The following FCRL5 variants were observed in gnomAD, a reference collection of about 807,000 sequenced individuals.
The protein encoded by FCRL5 is Fc receptor like 5, also known as Fc receptor-like protein 5.
A neutral mutation model predicts 92.1 loss-of-function variants in FCRL5; 79 were observed. The ratio of observed to expected loss-of-function variants is 0.86; its 90% confidence interval spans 0.72 to 1.03. FCRL5 has a LOEUF of 1.03. Ranked by LOEUF, FCRL5 falls within the 50% of genes least tolerant of loss-of-function variation. The pLI is 0.00. For missense variants in FCRL5, 1,160 were observed against 1,181.1 expected (o/e 0.98, Z 0.26); for synonymous variants, 466 against 469.3 (o/e 0.99, Z 0.09).
chr1:157,542,495 C>A (rs1191731510), intron 6 of FCRL5: 4 of 221,176 alleles, frequency 1.8e-5, no homozygotes, highest in African/African-American at 4.5e-5. Flanking sequence ...CAGGAGATAC[C>A]TCTGTGCTCC....
chr1:157,532,124 G>A (rs1208650450), intron 8 of FCRL5: 1 of 152,126 alleles, frequency 6.6e-6, no homozygotes, highest in African/African-American at 2.4e-5. Context: ...AAGACGAAAA[G>A]GTTGAACCAA....
At chr1:157,541,360 C>T (rs1651252421) in intron 6 of FCRL5, among the ~76,000 whole-genome samples, 1 of 152,198 alleles carries the variant, frequency 6.6e-6, no homozygotes, top group African/African-American at 2.4e-5. Flanking sequence ...GTGGTTTTCC[C>T]CAAGATTTAA....
chr1:157,550,278 G>A (rs753741223), intron 1 of FCRL5, among the ~76,000 whole-genome samples: 1 of 152,126 alleles, frequency 6.6e-6, no homozygotes, highest in Non-Finnish European at 1.5e-5. Flanking sequence ...GATTGACAAG[G>A]TTAGAATTTC....
At chr1:157,526,735 A>T (rs1202758472) in intron 9 of FCRL5, among the ~76,000 whole-genome samples, 1 of 152,054 alleles carries the variant, frequency 6.6e-6, no homozygotes, top group Non-Finnish European at 1.5e-5. Context: ...GTTATTGTCT[A>T]GTGGAGTAGG....
chr1:157,527,808 G>A lies in FCRL5; in HGVS notation c.1769C>T (p.Pro590Leu), dbSNP rs771525110. 1.8e-5 allele frequency: 29 copies of A among 1,613,436 alleles called. No homozygotes were observed. In the Admixed American group the frequency reaches 2.3e-4, roughly 13 times the overall value. ...GDLLELHCEAPRGSPPILYWF... is the reference protein window; with the variant it reads ...GDLLELHCEALRGSPPILYWF... ...GTACAGGATTGGGGGAGAGCCTCTC[G>A]GGGCCTCACAGTGAAGCTCCAGCAG... Residue 590 changes from proline to leucine, a missense_variant, in exon 9 of 17, where the codon CCG (proline) becomes CTG (leucine). Transcript: ENST00000361835.
chr1:157,544,170 TC>T, intron 5 of FCRL5, 91 bp downstream of exon 5: 1 of 1,384,452 alleles, frequency 7.2e-7, no homozygotes, highest in Non-Finnish European at 1.0e-6. Flanking sequence ...ACGAGTTTTT[TC>T]TACAGAGACT....
chr1:157,529,911 T>G (rs957438449), intron 8 of FCRL5, among the ~76,000 whole-genome samples: 3 of 152,162 alleles, frequency 2.0e-5, no homozygotes, highest in African/African-American at 7.2e-5. Flanking sequence ...AAATTACTAC[T>G]AAAGAAGTTA....
chr1:157,524,172 C>A, intron 10 of FCRL5, 107 bp downstream of exon 10: 1 of 1,233,442 alleles, frequency 8.1e-7, no homozygotes. Flanking sequence ...GCTGGGATGC[C>A]ACACAAGCAA....
chr1:157,544,781 A>G, intron 4 of FCRL5, 50 bp downstream of exon 4: 7 of 1,609,724 alleles, frequency 4.3e-6, no homozygotes, highest in Non-Finnish European at 5.9e-6. Flanking sequence ...CTATGACCCC[A>G]AGGAATCTCC....
In FCRL5 at chr1:157,527,793, G is replaced by T. The variant is rs753174100; in HGVS notation, c.1784C>A (p.Pro595Gln). The T allele has an allele frequency of 3.1e-5, 50 of 1,613,902 alleles. No homozygotes were observed. In the Middle Eastern group the frequency reaches 4.9e-4, roughly 16 times the overall value. Residue 595 changes from proline (P) to glutamine (Q), a missense_variant, in exon 9 of 17, where the codon CCA becomes CAA. By Grantham distance (76) the Pro-to-Gln change is moderately conservative (BLOSUM62 -1). Transcript: ENST00000361835. ...LHCEAPRGSP[P>Q]ILYWFYHEDV... ...CTCATGATAAAACCAGTACAGGATT[G>T]GGGGAGAGCCTCTCGGGGCCTCACA...
Position 157,524,528 on chromosome 1 carries a change from T to C in FCRL5, c.1990A>G (p.Arg664Gly). 1 of 1,612,398 alleles carries C rather than the reference T, an allele frequency of 6.2e-7. No individual in the cohort carries two copies. Among genetic ancestry groups the C allele is most frequent in the Non-Finnish European group, 8.5e-7 (1 of 1,178,918 alleles). ...VPVSRPILTF[R>G]APRAQAVVGD... ...ACCACAGCCTGGGCCCTGGGAGCCC[T>C]GAAGGTGAGGATGGGACGAGATACT... The change falls in exon 10 of 17, where the codon AGG becomes GGG. Residue 664 changes from arginine to glycine, a missense_variant. Physicochemically the swap from Arg to Gly is moderately radical, Grantham distance 125. Coordinates refer to ENST00000361835, the MANE Select transcript of FCRL5 (RefSeq NM_031281.3).
At chr1:157,547,999 C>T (rs1281189816) in intron 2 of FCRL5, among the ~76,000 whole-genome samples, 1 of 152,264 alleles carries the variant, frequency 6.6e-6, no homozygotes, top group Non-Finnish European at 1.5e-5. Context: ...GAGAATGCAG[C>T]ATTCCTGCTG....
rs1650491962 is a variant in FCRL5, at chr1:157,527,644, T to C, written c.1933A>G (p.Ser645Gly). 1 of 1,612,112 alleles carries C rather than the reference T, an allele frequency of 6.2e-7. No homozygotes were observed. The highest frequency in any genetic ancestry group is 8.5e-7 in the Non-Finnish European group (1 of 1,178,934). Residue 645 changes from serine (S) to glycine (G), a missense_variant, in exon 9 of 17, where the codon AGT becomes GGT. By Grantham distance (56) the Ser-to-Gly change is moderately conservative (BLOSUM62 0). Transcript: ENST00000361835. ...EANNGLVAQH[S>G]DTISLSVIVP... The stretch of plus-strand genomic sequence containing the variant: ...ATAACACTGAGTGATATTGTGTCAC[T>C]GTGCTGGGCCACTAGGCCATTGTTG...
chr1:157,547,806 G>A (rs1571114396), intron 2 of FCRL5, among the ~76,000 whole-genome samples: 1 of 152,166 alleles, frequency 6.6e-6, no homozygotes, highest in African/African-American at 2.4e-5. Context: ...GGTTGTAGAG[G>A]GTTGTTGCTG....
At chr1:157,529,970 T>A (rs1302802576) in intron 8 of FCRL5, among the ~76,000 whole-genome samples, 1 of 152,184 alleles carries the variant, frequency 6.6e-6, no homozygotes, top group Non-Finnish European at 1.5e-5. Context: ...GAAATTTTTT[T>A]AAAAATGAAA....
At chr1:157,534,018 CACAT>C (rs1343762056) in intron 8 of FCRL5, 2 of 181,438 alleles carry the variant, frequency 1.1e-5, no homozygotes, top group Non-Finnish European at 2.3e-5. Flanking sequence ...CCAAATCGTA[CACAT>C]ACAATTTGCA....
rs752699524 is a variant in FCRL5, at chr1:157,543,032, G to A, written c.950C>T (p.Thr317Ile). ...ACCCTCATGATAAAACCTGTACAAA[G>A]TGCGCAGAGAATCTTCCTGGGTTTC... ...HCETQEDSLR[T>I]LYRFYHEGVP... is the part of the protein sequence containing the mutation. The change falls in exon 6 of 17, where the codon ACT becomes ATT. Residue 317 changes from threonine (T) to isoleucine (I), a missense_variant. Thr to Ile is a moderately conservative substitution (Grantham distance 89). Transcript: ENST00000361835. The A allele has an allele frequency of 3.7e-6, 6 of 1,614,240 alleles. No individual in the cohort carries two copies. The South Asian group carries it at 5.5e-5, about 15-fold the overall frequency.
At chr1:157,544,031 T>C (rs1020650620) in intron 5 of FCRL5, among the ~76,000 whole-genome samples, 8 of 152,236 alleles carry the variant, frequency 5.3e-5, no homozygotes, top group South Asian at 2.1e-4. Flanking sequence ...AAGAAAGAAT[T>C]GTATTTAATG....
intron 15 of FCRL5, 35 bp downstream of exon 15, chr1:157,518,393 AG>A (rs1650024761): frequency 6.4e-7 from 1 of 1,560,106 alleles, no homozygotes; most frequent in African/African-American, 1.4e-5. Flanking sequence ...GTCTAAGTTG[AG>A]GGTGGGCCAG....
Sources: allele counts gnomAD v4.1 joint callset (sites outside exome capture counted in the v4.1 genomes callset), GRCh38; gene constraint gnomAD v4.1.1; transcripts MANE v1.5; gene names NCBI Gene and HGNC (gene_info 2026-07-23, HGNC 2026-07-21).